NRXN3: variants seen among roughly 807,000 people sequenced by gnomAD.
The protein encoded by NRXN3 is neurexin III.
In NRXN3, 32 loss-of-function variants were observed where a neutral mutation model predicts 137.6. The observed-to-expected ratio is 0.23, with a 90% CI of 0.18 to 0.31. The LOEUF (loss-of-function observed/expected upper bound fraction) is 0.31. Ranked by LOEUF, NRXN3 falls within the 10% of genes least tolerant of loss-of-function variation. NRXN3 has a pLI of 1.00. For missense variants in NRXN3, 1,574 were observed against 2,062.5 expected (o/e 0.76, Z 4.59); for synonymous variants, 798 against 784.5 (o/e 1.02, Z -0.29).
chr14:79,652,333 G>C (rs2098480470), intron 16 of NRXN3, among the ~76,000 whole-genome samples: 1 of 152,090 alleles, frequency 6.6e-6, no homozygotes, highest in African/African-American at 2.4e-5. Context: ...AAGAATGTTT[G>C]TGCCCTTTAA....
chr14:79,719,604 ATTG>A (rs1032824636), intron 19 of NRXN3, among the ~76,000 whole-genome samples: 2 of 152,000 alleles, frequency 1.3e-5, no homozygotes, highest in African/African-American at 4.8e-5. Flanking sequence ...ATATATACGT[ATTG>A]TAGAAAAAAA....
At chr14:79,395,834 G>A (rs927710995) in intron 15 of NRXN3, among the ~76,000 whole-genome samples, 1 of 151,542 alleles carries the variant, frequency 6.6e-6, no homozygotes, top group Non-Finnish European at 1.5e-5. Context: ...TGCAGGCTGT[G>A]AATATAAAAC....
At chr14:78,854,614 A>G (rs1452742347) in intron 10 of NRXN3, among the ~76,000 whole-genome samples, 1 of 152,144 alleles carries the variant, frequency 6.6e-6, no homozygotes, top group Non-Finnish European at 1.5e-5. Context: ...AAGTATATGC[A>G]TGTGTGTGAG....
chr14:78,620,569 T>C (rs2097393978), intron 4 of NRXN3, among the ~76,000 whole-genome samples: 1 of 151,128 alleles, frequency 6.6e-6, no homozygotes, highest in Non-Finnish European at 1.5e-5. Context: ...TCACCCAGAG[T>C]GGATGGTGTT....
rs2099544302 is a variant in NRXN3, at chr14:79,002,789, G to T, written c.3262+14648G>T. On this transcript the variant is annotated intron_variant, in intron 15 of 20. Transcript: ENST00000335750. ...TCTGGTTCTAGATCTTTGAGGAATT[G>T]CCACACCGTCTTCCACAATGGTTAC... Among the ~76,000 whole-genome samples, 7 of 152,162 alleles carry T rather than the reference G, an allele frequency of 4.6e-5. No homozygotes were observed. The South Asian group carries it at 1.5e-3, about 32-fold the overall frequency.
chr14:78,604,418 A>C (rs2097229796), intron 4 of NRXN3, among the ~76,000 whole-genome samples: 1 of 152,174 alleles, frequency 6.6e-6, no homozygotes, highest in South Asian at 2.1e-4. Context: ...GTAAAGAGAA[A>C]TAACCCAAGA....
At chr14:79,847,747 T>C (rs1467919859) in intron 20 of NRXN3, among the ~76,000 whole-genome samples, 1 of 152,152 alleles carries the variant, frequency 6.6e-6, no homozygotes, top group Non-Finnish European at 1.5e-5. Flanking sequence ...TGACAGACCT[T>C]AGAATTGTGT....
At chr14:78,657,162 A>G (rs1418358815) in intron 6 of NRXN3, among the ~76,000 whole-genome samples, 1 of 150,198 alleles carries the variant, frequency 6.7e-6, no homozygotes, top group African/African-American at 2.5e-5. Context: ...CTTCCTTCTG[A>G]CTCCCATTTC....
chr14:79,200,197 T>C (rs1253435089), intron 15 of NRXN3, among the ~76,000 whole-genome samples: 1 of 152,206 alleles, frequency 6.6e-6, no homozygotes, highest in East Asian at 1.9e-4. Context: ...CCAGTGAGAA[T>C]ACCCATTTAT....
At chr14:78,623,617 A>G (rs2097426694) in intron 4 of NRXN3, among the ~76,000 whole-genome samples, 1 of 152,084 alleles carries the variant, frequency 6.6e-6, no homozygotes, top group South Asian at 2.1e-4. Flanking sequence ...CCCAGGCTGG[A>G]GTGCAGTGGC....
At chr14:78,235,595 T>TAAA (rs59835294) in intron 1 of NRXN3, among the ~76,000 whole-genome samples, 2 of 136,520 alleles carry the variant, frequency 1.5e-5, no homozygotes, top group African/African-American at 2.7e-5. Context: ...TAGTTTTTAG[T>TAAA]AAAAAAAAAA....
At chr14:79,386,796 C>T (rs1397282503) in intron 15 of NRXN3, among the ~76,000 whole-genome samples, 11 of 152,114 alleles carry the variant, frequency 7.2e-5, no homozygotes, top group South Asian at 2.1e-4. Flanking sequence ...GAAATAATGC[C>T]GCTTATCTAC....
intron 20 of NRXN3, among the ~76,000 whole-genome samples, chr14:79,808,989 T>C (rs1158351174): frequency 2.0e-5 from 3 of 152,154 alleles, no homozygotes; most frequent in Admixed American, 6.5e-5. Context: ...CTAGAAACCT[T>C]GCAAATCCAA....
intron 8 of NRXN3, among the ~76,000 whole-genome samples, chr14:78,782,382 C>T (rs1352054072): frequency 6.6e-6 from 1 of 152,168 alleles, no homozygotes; most frequent in African/African-American, 2.4e-5. Flanking sequence ...TTACTAAAAT[C>T]TTACATCTCT....
chr14:78,938,848 C>CTTTTTTTTTTTT (rs1255540319), intron 10 of NRXN3, among the ~76,000 whole-genome samples: 5 of 132,024 alleles, frequency 3.8e-5, no homozygotes, highest in African/African-American at 8.4e-5. Context: ...AGTGATTTTT[C>CTTTTTTTTTTTT]TTTTTTTTTT....
chr14:79,300,531 T>C (rs929065068), intron 15 of NRXN3, among the ~76,000 whole-genome samples: 3 of 151,916 alleles, frequency 2.0e-5, no homozygotes, highest in African/African-American at 7.2e-5. Flanking sequence ...TTGGTTCTGG[T>C]TATTAGGCTG....
At chr14:79,499,507 C>T (rs750139105) in intron 16 of NRXN3, among the ~76,000 whole-genome samples, 1 of 152,150 alleles carries the variant, frequency 6.6e-6, no homozygotes, top group Non-Finnish European at 1.5e-5. Flanking sequence ...TCTGTAATTA[C>T]CATGTGCTTA....
At chr14:78,357,175 A>C (rs111553199) in intron 4 of NRXN3, among the ~76,000 whole-genome samples, 79 of 152,350 alleles carry the variant, frequency 5.2e-4, no homozygotes, top group African/African-American at 1.8e-3. Context: ...TCGTGGTTTC[A>C]CGTGGCTAAG....
chr14:79,116,621 T>C (rs73324745), intron 15 of NRXN3, among the ~76,000 whole-genome samples: 1,782 of 152,336 alleles, frequency 0.012, 34 homozygotes, highest in African/African-American at 0.04. Context: ...TTGTTTTGAT[T>C]ACTGCTGGAC....
Sources: allele counts gnomAD v4.1 joint callset (sites outside exome capture counted in the v4.1 genomes callset), GRCh38; gene constraint gnomAD v4.1.1; transcripts MANE v1.5; gene names NCBI Gene and HGNC (gene_info 2026-07-23, HGNC 2026-07-21).